Variants in SPATA16 observed in about 807,000 individuals in gnomAD.
SPATA16 encodes the protein spermatogenesis-associated protein 16.
In SPATA16, 36 loss-of-function variants were observed where a neutral mutation model predicts 63.3. The ratio of observed to expected loss-of-function variants is 0.57; its 90% CI spans 0.44 to 0.75. The LOEUF is 0.75. Ranked by LOEUF, SPATA16 falls within the 30% of genes least tolerant of loss-of-function variation. The pLI, the probability that SPATA16 is intolerant of heterozygous loss-of-function variation, is 0.00. For synonymous variants in SPATA16, 203 were observed against 216.7 expected, an observed-to-expected ratio of 0.94 and a Z score of 0.56; for missense variants, 646 against 679.3, an observed-to-expected ratio of 0.95 and a Z score of 0.54.
intron 3 of SPATA16, among the ~76,000 whole-genome samples, chr3:173,028,338 G>T (rs958106217): frequency 6.6e-6 from 1 of 151,652 alleles, no homozygotes; most frequent in East Asian, 1.9e-4. Context: ...CTGGATAATA[G>T]CATCATTTCG....
At chr3:172,973,941 T>C (rs775654537) in intron 5 of SPATA16, among the ~76,000 whole-genome samples, 14 of 152,150 alleles carry the variant, frequency 9.2e-5, no homozygotes, top group Non-Finnish European at 1.9e-4. Flanking sequence ...TTTTCAACCC[T>C]CTCTAGCTCT....
At chr3:173,112,536 C>A in intron 2 of SPATA16, among the ~76,000 whole-genome samples, 1 of 152,088 alleles carries the variant, frequency 6.6e-6, no homozygotes, top group Non-Finnish European at 1.5e-5. Context: ...ACCTGTCCAC[C>A]CTTGGTTTTC....
chr3:173,081,095 A>G (rs1736912563), intron 2 of SPATA16, among the ~76,000 whole-genome samples: 1 of 152,188 alleles, frequency 6.6e-6, no homozygotes, highest in Admixed American at 6.6e-5. Context: ...GAACCCTAAT[A>G]TCAAAATATC....
chr3:172,945,450 A>G (rs777051879), intron 6 of SPATA16, among the ~76,000 whole-genome samples: 2 of 152,248 alleles, frequency 1.3e-5, no homozygotes, highest in African/African-American at 4.8e-5. Context: ...TAGATGGACC[A>G]TTATAGTCCT....
intron 8 of SPATA16, among the ~76,000 whole-genome samples, chr3:172,921,497 T>C (rs1457972032): frequency 1.3e-5 from 2 of 151,478 alleles, no homozygotes; most frequent in Non-Finnish European, 2.9e-5. Flanking sequence ...GGAAATGGCA[T>C]CTCAAATCCT....
At chr3:172,955,533 T>C (rs1733573282) in intron 6 of SPATA16, among the ~76,000 whole-genome samples, 1 of 152,176 alleles carries the variant, frequency 6.6e-6, no homozygotes, top group Admixed American at 6.5e-5. Context: ...TGGCCCGTAT[T>C]ATGCTTCTCC....
chr3:172,984,848 T>G (rs569969955), intron 4 of SPATA16, among the ~76,000 whole-genome samples: 2 of 152,228 alleles, frequency 1.3e-5, no homozygotes, highest in Non-Finnish European at 2.9e-5. Flanking sequence ...CTACTGCTAT[T>G]TGTAACAGCA....
At chr3:173,057,068 G>C (rs577661258) in intron 2 of SPATA16, among the ~76,000 whole-genome samples, 9 of 149,948 alleles carry the variant, frequency 6.0e-5, no homozygotes, top group African/African-American at 1.7e-4. Flanking sequence ...TTACATCTCT[G>C]ATTATTGGTA....
chr3:173,013,281 G>A (rs1386452911), intron 4 of SPATA16, among the ~76,000 whole-genome samples: 1 of 152,154 alleles, frequency 6.6e-6, no homozygotes, highest in East Asian at 1.9e-4. Context: ...TGCTTGTGAG[G>A]CTGCAGAGAA....
rs561503757 is a variant in SPATA16, at chr3:172,973,104, T to G, written c.933+3864A>C. The stretch of plus-strand genomic sequence containing the variant: ...CATTAAAATGAAATGTTGAAATTGA[T>G]GCAATATGAAATATTTCAATTCCTT... On this transcript the variant is annotated intron_variant, in intron 5 of 10. Transcript: ENST00000351008. Among the ~76,000 whole-genome samples the G allele has an allele frequency of 2.6e-5, 4 of 152,294 alleles. No individual in the cohort carries two copies. The South Asian group carries it at 8.3e-4, about 32-fold the overall frequency.
At chr3:172,952,214 T>A (rs571984017) in intron 6 of SPATA16, among the ~76,000 whole-genome samples, 2 of 152,226 alleles carry the variant, frequency 1.3e-5, no homozygotes, top group South Asian at 4.2e-4. Context: ...TGGATGAGTG[T>A]TTATTTGATC....
At chr3:173,123,770 A>G (rs1246640564) in intron 1 of SPATA16, among the ~76,000 whole-genome samples, 1 of 151,420 alleles carries the variant, frequency 6.6e-6, no homozygotes, top group African/African-American at 2.4e-5. Flanking sequence ...TGCCCAGCTA[A>G]TTTTTGTATT....
intron 3 of SPATA16, among the ~76,000 whole-genome samples, chr3:173,031,361 G>C (rs1425270443): frequency 1.3e-5 from 2 of 148,932 alleles, no homozygotes; most frequent in East Asian, 3.9e-4. Context: ...CTAAAAGTTT[G>C]ATTGAAATGA....
chr3:172,935,679 G>A (rs1008927808), intron 6 of SPATA16, among the ~76,000 whole-genome samples: 3 of 152,148 alleles, frequency 2.0e-5, no homozygotes, highest in African/African-American at 7.2e-5. Context: ...TTAAATTAAG[G>A]TGAAATCGGG....
chr3:173,043,910 T>C (rs755388674), intron 3 of SPATA16, among the ~76,000 whole-genome samples: 2 of 152,176 alleles, frequency 1.3e-5, no homozygotes, highest in Non-Finnish European at 2.9e-5. Context: ...TTCGGCACTT[T>C]AAAGTTGTCG....
intron 4 of SPATA16, among the ~76,000 whole-genome samples, chr3:173,004,432 C>CAA (rs76567834): frequency 1.2e-3 from 125 of 103,912 alleles, no homozygotes; most frequent in East Asian, 1.7e-3. Flanking sequence ...ATACCATATA[C>CAA]AAAAAAAAAA....
chr3:173,062,511 A>G (rs1014989725), intron 2 of SPATA16, among the ~76,000 whole-genome samples: 4 of 152,202 alleles, frequency 2.6e-5, no homozygotes, highest in Non-Finnish European at 4.4e-5. Context: ...CATTAAATAT[A>G]TACACGGTAT....
At chr3:172,942,046 G>A (rs774499597) in intron 6 of SPATA16, among the ~76,000 whole-genome samples, 10 of 151,968 alleles carry the variant, frequency 6.6e-5, no homozygotes, top group Admixed American at 1.3e-4. Flanking sequence ...TTAGGAGGGG[G>A]GAAAAGCATG....
At chr3:172,966,298 G>A (rs566827035) in intron 5 of SPATA16, among the ~76,000 whole-genome samples, 29 of 152,280 alleles carry the variant, frequency 1.9e-4, no homozygotes, top group African/African-American at 7.0e-4. Context: ...GAACGTTACA[G>A]CAGGCCAACC....
Sources: gnomAD v4.1 joint callset for allele counts (sites outside exome capture counted in the v4.1 genomes callset) on GRCh38, gnomAD v4.1.1 for gene constraint, MANE v1.5 for transcripts, NCBI Gene and HGNC (gene_info 2026-07-23, HGNC 2026-07-21) for gene names.